Variants in HSD17B4 observed in about 807,000 individuals in gnomAD.
HSD17B4 encodes peroxisomal multifunctional enzyme type 2.
HSD17B4 carries 70 observed loss-of-function variants against 101.0 expected under a neutral mutation model. The ratio of observed to expected loss-of-function variants is 0.69; its 90% CI spans 0.57 to 0.85. The LOEUF is 0.85. HSD17B4 is among the 40% of genes least tolerant of loss of function. The pLI is 0.00. For missense variants in HSD17B4, 984 were observed against 892.4 expected (o/e 1.10, Z -1.31); for synonymous variants, 347 against 297.1 (o/e 1.17, Z -1.73).
intron 12 of HSD17B4, among the ~76,000 whole-genome samples, chr5:119,498,789 A>G (rs1456813922): frequency 6.6e-6 from 1 of 152,216 alleles, no homozygotes; most frequent in Admixed American, 6.5e-5. Flanking sequence ...CTGAGGCAGG[A>G]GAATTGCATG....
At chr5:119,496,087 G>C (rs1750622648) in intron 11 of HSD17B4, among the ~76,000 whole-genome samples, 1 of 152,174 alleles carries the variant, frequency 6.6e-6, no homozygotes, top group Non-Finnish European at 1.5e-5. Context: ...TATCTTCAGA[G>C]CTATTACTTG....
At position 119,535,962 on chromosome 5, in the gene HSD17B4, A is replaced by G. The variant is rs1754496796; in HGVS notation, c.1994-461A>G. The G allele has an allele frequency of 3.6e-5, 7 of 195,222 alleles. No homozygotes were observed. The South Asian group carries it at 4.6e-4, about 13-fold the overall frequency. The allele number at this position is 195,222 out of a possible 1,614,324, so 12.1% of individuals were successfully genotyped here. On this transcript the variant is annotated intron_variant, in intron 22 of 23. Coordinates refer to ENST00000510025, the MANE Select transcript of HSD17B4 (RefSeq NM_000414.4). ...TCATCTGTTACCTCACCCCTCCCTC[A>G]TTAAATGCTGTGAAGTATGACTGAA...
At chr5:119,532,610 C>G (rs1227035135) in intron 22 of HSD17B4, among the ~76,000 whole-genome samples, 2 of 151,926 alleles carry the variant, frequency 1.3e-5, no homozygotes, top group Non-Finnish European at 2.9e-5. Flanking sequence ...TCATAAATAA[C>G]TAACATATTT....
chr5:119,452,706 G>T, intron 1 of HSD17B4, 73 bp downstream of exon 1: 2 of 1,607,464 alleles, frequency 1.2e-6, no homozygotes, highest in South Asian at 2.2e-5. Context: ...GCCGGCATAC[G>T]CGCGCAGCCG....
At chr5:119,456,259 C>T (rs78988895) in intron 1 of HSD17B4, 56 bp from the exon 2 acceptor site, 234 of 1,205,048 alleles carry the variant, frequency 1.9e-4, no homozygotes, top group Non-Finnish European at 2.6e-4. Context: ...GTTGAGCGGA[C>T]CAAAAAAATT....
At chr5:119,496,171 G>A (rs1750631326) in intron 11 of HSD17B4, among the ~76,000 whole-genome samples, 1 of 152,166 alleles carries the variant, frequency 6.6e-6, no homozygotes, top group African/African-American at 2.4e-5. Context: ...GAAATCAGTT[G>A]AGAGGAGGAA....
chr5:119,477,448 A>G lies in HSD17B4; in HGVS notation c.381A>G (p.Ser127=), dbSNP rs373866819. The G allele has an allele frequency of 5.6e-6, 9 of 1,612,670 alleles. No homozygotes were observed. Among genetic ancestry groups the G allele is most frequent in the Non-Finnish European group, 7.6e-6 (9 of 1,178,876 alleles). ...DIIHRVHLRG[S]FQVTRAAWEH... is the part of the protein sequence containing the mutation. ...TCCACAGAGTTCATTTGCGGGGTTC[A>G]TTCCAAGTGACACGGGCAGCATGGG... Residue 127 remains serine (S), a synonymous_variant, in exon 7 of 24, where the codon TCA becomes TCG. Coordinates refer to ENST00000510025, the MANE Select transcript of HSD17B4 (RefSeq NM_000414.4).
In HSD17B4 at chr5:119,510,650, T is replaced by A. The variant is rs111492246; in HGVS notation, c.1437+1406T>A. On this transcript the variant is annotated intron_variant, in intron 16 of 23. Coordinates refer to ENST00000510025, the MANE Select transcript of HSD17B4 (RefSeq NM_000414.4). ...GTCTCTGGAAATTGTTCTAAGGGTA[T>A]AGAGCAAATGAAGAAACATTTATTC... Among the ~76,000 whole-genome samples, 26 of 152,344 alleles carry A rather than the reference T, an allele frequency of 1.7e-4. 1 individual carries two copies. Among genetic ancestry groups the A allele is most frequent in the African/African-American group, 6.3e-4 (26 of 41,584 alleles).
intron 23 of HSD17B4, among the ~76,000 whole-genome samples, chr5:119,539,967 C>T (rs1003041579): frequency 6.6e-6 from 1 of 150,636 alleles, no homozygotes; most frequent in African/African-American, 2.4e-5. Flanking sequence ...GTGGCACACA[C>T]CTGTAGTCCC....
intron 23 of HSD17B4, 142 bp from the exon 24 acceptor site, chr5:119,541,763 G>A (rs1011318370): frequency 1.6e-6 from 1 of 639,778 alleles, no homozygotes; most frequent in South Asian, 1.8e-5. Flanking sequence ...TTATTAAATT[G>A]TCATTGCTAA....
At chr5:119,536,329 A>C (rs1383712767) in intron 22 of HSD17B4, 94 bp from the exon 23 acceptor site, 1 of 1,112,936 alleles carries the variant, frequency 9.0e-7, no homozygotes, top group Non-Finnish European at 1.4e-6. Context: ...TTAACATGGA[A>C]ACTATAGAAA....
chr5:119,541,852 A>G, intron 23 of HSD17B4, 53 bp from the exon 24 acceptor site: 1 of 1,096,644 alleles, frequency 9.1e-7, no homozygotes, highest in South Asian at 1.4e-5. Flanking sequence ...AAAAAAAGAA[A>G]TAAACTATAA....
intron 1 of HSD17B4, among the ~76,000 whole-genome samples, chr5:119,455,066 A>G (rs12658127): frequency 6.6e-6 from 1 of 152,236 alleles, no homozygotes; most frequent in Non-Finnish European, 1.5e-5. Context: ...AAAATGTAAA[A>G]AATATACACA....
intron 1 of HSD17B4, among the ~76,000 whole-genome samples, chr5:119,455,788 A>G (rs1210850070): frequency 1.3e-5 from 2 of 152,136 alleles, no homozygotes; most frequent in Non-Finnish European, 2.9e-5. Context: ...AAATTGATCC[A>G]TTAGAGGAGG....
chr5:119,519,714 C>G (rs1369964632), intron 17 of HSD17B4, among the ~76,000 whole-genome samples: 1 of 152,110 alleles, frequency 6.6e-6, no homozygotes, highest in African/African-American at 2.4e-5. Flanking sequence ...TTATTTGGAC[C>G]TTTAGGACCA....
chr5:119,499,707 T>G, intron 13 of HSD17B4, 154 bp downstream of exon 13: 1 of 440,212 alleles, frequency 2.3e-6, no homozygotes, highest in Non-Finnish European at 3.9e-6. Flanking sequence ...GATTTTTCTT[T>G]TTAAGAATAA....
At chr5:119,478,205 T>A (rs1748775632) in intron 7 of HSD17B4, 1 of 154,502 alleles carries the variant, frequency 6.5e-6, no homozygotes, top group African/African-American at 2.4e-5. Context: ...CCTAGATAAG[T>A]AACTCATTGT....
At chr5:119,526,902 A>AT (rs1753649973) in intron 19 of HSD17B4, among the ~76,000 whole-genome samples, 1 of 151,932 alleles carries the variant, frequency 6.6e-6, no homozygotes, top group Admixed American at 6.5e-5. Context: ...AAAAAACACT[A>AT]TTTTTTGATT....
chr5:119,463,548 A>C (rs1755484392), intron 2 of HSD17B4, among the ~76,000 whole-genome samples: 1 of 137,150 alleles, frequency 7.3e-6, no homozygotes, highest in Non-Finnish European at 1.5e-5. Context: ...CCTTTTTGAT[A>C]GTAGCCATTC....
Sources: gnomAD v4.1 joint callset for allele counts (sites outside exome capture counted in the v4.1 genomes callset) on GRCh38, gnomAD v4.1.1 for gene constraint, MANE v1.5 for transcripts, NCBI Gene and HGNC (gene_info 2026-07-23, HGNC 2026-07-21) for gene names.